The following CEP170B variants were observed in gnomAD, a reference collection of about 807,000 sequenced individuals.
CEP170B encodes centrosomal protein of 170 kDa protein B.
In CEP170B, 55 loss-of-function variants were observed where a neutral mutation model predicts 120.6. The ratio of observed to expected loss-of-function variants is 0.46; its 90% CI spans 0.37 to 0.57. CEP170B has a LOEUF of 0.57. Among genes scored for constraint, CEP170B ranks in the 20% least tolerant of loss-of-function variants. CEP170B has a pLI of 0.00. For missense variants in CEP170B, 2,212 were observed against 2,253.3 expected (o/e 0.98, Z 0.37); for synonymous variants, 1,033 against 954.5 (o/e 1.08, Z -1.52).
upstream of CEP170B, chr14:104,865,173 G>C (rs1463207767): frequency 2.0e-4 from 30 of 146,506 alleles, no homozygotes; most frequent in Admixed American, 1.2e-3. This position sits in a 1 kb window ranked among gnomAD's most constrained non-coding sequence, Gnocchi z 6.7. Flanking sequence ...GGTTTCCGGC[G>C]GGGCGGCGCG....
chr14:104,876,819 G>T (rs1046942799), intron 3 of CEP170B, among the ~76,000 whole-genome samples: 9 of 152,366 alleles, frequency 5.9e-5, no homozygotes, highest in African/African-American at 1.9e-4. Flanking sequence ...GGTATGGGTG[G>T]AGCCATGTGA....
chr14:104,886,695 G>C lies in CEP170B; in HGVS notation c.2456G>C (p.Gly819Ala), dbSNP rs930438384. The part of the protein sequence containing the change: ...SRKPLAAPGD[G>A]EGLGQTAQPS... ...AAACCGCTTGCGGCTCCAGGGGATG[G>C]GGAGGGCCTAGGGCAGACAGCCCAG... Residue 819 changes from glycine (G) to alanine (A), a missense_variant, in exon 12 of 19, where the codon GGG (glycine) becomes GCG (alanine). By Grantham distance (60) the Gly-to-Ala change is moderately conservative. Transcript: ENST00000414716. 7 of 1,562,740 alleles carry C rather than the reference G, an allele frequency of 4.5e-6. No homozygotes were observed. In the Admixed American group the frequency reaches 9.6e-5, roughly 22 times the overall value.
chr14:104,884,094 A>C lies in CEP170B; in HGVS notation c.1315A>C (p.Thr439Pro). 1 of 1,587,884 alleles carries C rather than the reference A, an allele frequency of 6.3e-7. No homozygotes were observed. Among genetic ancestry groups the C allele is most frequent in the Non-Finnish European group, 8.6e-7 (1 of 1,167,600 alleles). Residue 439 changes from threonine to proline, a missense_variant, in exon 9 of 19, where the codon ACG becomes CCG. Coordinates refer to ENST00000414716, the MANE Select transcript of CEP170B (RefSeq NM_001112726.3). ...CAAGGCCGACAAGCGCCGTGGCCCAACGCCGGCCGATAGGGACCGCCCCAG... is the reference window on the plus strand; with the variant it reads ...CAAGGCCGACAAGCGCCGTGGCCCACCGCCGGCCGATAGGGACCGCCCCAG... ...DPKADKRRGP[T>P]PADRDRPSVP...
chr14:104,894,932 C>T lies in CEP170B; in HGVS notation c.4639C>T (p.Pro1547Ser). The T allele has an allele frequency of 1.3e-6, 2 of 1,591,768 alleles. No homozygotes were observed. Among genetic ancestry groups the T allele is most frequent in the East Asian group, 4.6e-5 (2 of 43,948 alleles). ...CAGCCTCCCGGACCCCACCTTCCTC[C>T]CTGATGCCGAGAGGTTCCTGATCTA... ...PPSLPDPTFLPDAERFLI is the reference protein window; with the variant it reads ...PPSLPDPTFLSDAERFLI The change falls in exon 19 of 19, where the codon CCT becomes TCT. Residue 1547 changes from proline to serine, a missense_variant. By Grantham distance (74) the Pro-to-Ser change is moderately conservative (BLOSUM62 -1). Transcript: ENST00000414716.
At chr14:104,889,838 G>A in intron 13 of CEP170B, 80 bp downstream of exon 13, 2 of 1,469,640 alleles carry the variant, frequency 1.4e-6, no homozygotes, top group South Asian at 1.3e-5. Flanking sequence ...CAGGGACCAG[G>A]CTGGGAGCTC....
At position 104,887,923 on chromosome 14, in the gene CEP170B, G is replaced by A; in HGVS notation, c.3684G>A (p.Thr1228=). ...AGGCTGCCAACACAGCCACCACCAC[G>A]GGTCCCCGCCAGCCCTTCAGCAGGG... ...SRKAANTATT[T]GPRQPFSRAR... The change falls in exon 12 of 19, where the codon ACG becomes ACA. Residue 1228 remains threonine (T), a synonymous_variant. Transcript: ENST00000414716. 5 of 1,548,040 alleles carry A rather than the reference G, an allele frequency of 3.2e-6. No homozygotes were observed. The highest frequency in any genetic ancestry group is 4.3e-6 in the Non-Finnish European group (5 of 1,151,940).
chr14:104,880,168 G>A (rs1316177308), intron 5 of CEP170B, 119 bp from the exon 6 acceptor site: 24 of 1,367,388 alleles, frequency 1.8e-5, no homozygotes, highest in Admixed American at 2.1e-5. Context: ...ATTAGGGAGA[G>A]CTTGTGACAT....
chr14:104,871,915 A>C (rs532477801), intron 2 of CEP170B, among the ~76,000 whole-genome samples: 17 of 152,314 alleles, frequency 1.1e-4, no homozygotes, highest in Non-Finnish European at 1.9e-4. Context: ...CAGAGCTGCC[A>C]CCCACGTGCT....
intron 12 of CEP170B, among the ~76,000 whole-genome samples, chr14:104,888,807 G>A (rs899837971): frequency 7.9e-5 from 12 of 152,332 alleles, no homozygotes; most frequent in African/African-American, 2.9e-4. Flanking sequence ...GCTGCACTGG[G>A]CAGGCCTTGC....
Position 104,886,765 on chromosome 14 carries a change from G to T in CEP170B, c.2526G>T (p.Gly842=), listed in dbSNP as rs1168475457. The change falls in exon 12 of 19, where the codon GGG becomes GGT. Residue 842 remains glycine, a synonymous_variant. Transcript: ENST00000414716. ...ARDGVYVSAN[G]RMVIQLRPGR... The stretch of plus-strand genomic sequence containing the variant: ...ATGGCGTCTATGTCAGTGCCAATGG[G>T]AGAATGGTCATCCAGCTACGGCCTG... The T allele has an allele frequency of 1.2e-5, 20 of 1,611,694 alleles. No homozygotes were observed. Among genetic ancestry groups the T allele is most frequent in the Non-Finnish European group, 1.7e-5 (20 of 1,179,720 alleles).
intron 8 of CEP170B, 141 bp downstream of exon 8, chr14:104,883,649 C>T (rs918247466): frequency 9.0e-6 from 10 of 1,113,484 alleles, no homozygotes; most frequent in South Asian, 1.6e-5. Context: ...TAAGAGCCAC[C>T]TGCCTGGTCA....
In CEP170B at chr14:104,887,262, C is replaced by T. The variant is rs1896574005; in HGVS notation, c.3023C>T (p.Ser1008Leu). 2.5e-6 allele frequency: 4 copies of T among 1,608,082 alleles called. No homozygotes were observed. In the East Asian group the frequency reaches 8.9e-5, roughly 36 times the overall value. ...TALVSAREQSSERQHHPLGPT... is the reference protein window; with the variant it reads ...TALVSAREQSLERQHHPLGPT... Reference sequence around the variant, plus strand: ...CTGGTCAGTGCCCGTGAGCAGTCCTCAGAGAGGCAGCATCACCCACTTGGC... The same window carrying T: ...CTGGTCAGTGCCCGTGAGCAGTCCTTAGAGAGGCAGCATCACCCACTTGGC... The change falls in exon 12 of 19, where the codon TCA becomes TTA. Residue 1008 changes from serine (S) to leucine (L), a missense_variant. Around this residue, in one of 2 missense-constraint regions of CEP170B, gnomAD observed 2,166 missense variants for 2,166.7 expected, o/e 1.00. Coordinates refer to ENST00000414716, the MANE Select transcript of CEP170B (RefSeq NM_001112726.3).
chr14:104,894,461 C>T (rs1896991559), intron 17 of CEP170B, 76 bp from the exon 18 acceptor site: 2 of 1,605,890 alleles, frequency 1.2e-6, no homozygotes, highest in Non-Finnish European at 1.7e-6. Flanking sequence ...TGTCCCAGCT[C>T]CTGCACACAG....
At chr14:104,893,717 G>C in intron 15 of CEP170B, 44 bp from the exon 16 acceptor site, 1 of 1,587,512 alleles carries the variant, frequency 6.3e-7, no homozygotes, top group African/African-American at 1.3e-5. Flanking sequence ...AGCAGGGGCG[G>C]GGCTCCTCGA....
intron 2 of CEP170B, among the ~76,000 whole-genome samples, chr14:104,869,565 G>A (rs1033444624): frequency 2.0e-5 from 3 of 152,196 alleles, no homozygotes; most frequent in Non-Finnish European, 4.4e-5. Flanking sequence ...CTGCTGTGGC[G>A]GGAAGGTTTG....
rs1288839173 is a variant in CEP170B, at chr14:104,883,227, G to T, written c.770G>T (p.Gly257Val). 5 of 1,611,208 alleles carry T rather than the reference G, an allele frequency of 3.1e-6. No homozygotes were observed. The highest frequency in any genetic ancestry group is 4.2e-6 in the Non-Finnish European group (5 of 1,179,532). ...ACGAAGGATGCAGAGGCAGGTGGGGGCGGAGCGGCCCCTGTGGTGCAGAGC... is the reference window on the plus strand; with the variant it reads ...ACGAAGGATGCAGAGGCAGGTGGGGTCGGAGCGGCCCCTGTGGTGCAGAGC... ...MPTKDAEAGG[G>V]GAAPVVQSHA... The change falls in exon 8 of 19, where the codon GGC becomes GTC. Residue 257 changes from glycine to valine, a missense_variant. Physicochemically the swap from Gly to Val is moderately radical, Grantham distance 109. Around this residue, in one of 2 missense-constraint regions of CEP170B, gnomAD observed 2,166 missense variants for 2,166.7 expected, o/e 1.00. Coordinates refer to ENST00000414716, the MANE Select transcript of CEP170B (RefSeq NM_001112726.3).
chr14:104,884,012 G>A lies in CEP170B; in HGVS notation c.1233G>A (p.Glu411=). The change falls in exon 9 of 19, where the codon GAG becomes GAA. Residue 411 remains glutamate, a synonymous_variant. Coordinates refer to ENST00000414716, the MANE Select transcript of CEP170B (RefSeq NM_001112726.3). ...QQAFVIEFFD[E]DTPRKKRSQS... ...CCTTTGTCATCGAGTTCTTCGACGA[G>A]GACACACCCCGAAAGAAGCGCTCCC... is the stretch of plus-strand genomic sequence containing the variant. 6.2e-7 allele frequency: 1 copy of A among 1,611,102 alleles called. No individual in the cohort carries two copies. The highest frequency in any genetic ancestry group is 1.7e-5 in the Admixed American group (1 of 59,890).
chr14:104,883,282 C>T lies in CEP170B; in HGVS notation c.825C>T (p.Asp275=). The T allele has an allele frequency of 6.2e-7, 1 of 1,612,022 alleles. No individual in the cohort carries two copies. The highest frequency in any genetic ancestry group is 1.1e-5 in the South Asian group (1 of 90,992). ...CCTCCTTCACCATCGAGTTTGATGACTGCAGCCCTGGCAAGATGAAGATCA... is the reference window on the plus strand; with the variant it reads ...CCTCCTTCACCATCGAGTTTGATGATTGCAGCCCTGGCAAGATGAAGATCA... ...SHASFTIEFD[D]CSPGKMKIKD... is the part of the protein sequence containing the mutation. The change falls in exon 8 of 19, where the codon GAC becomes GAT. Residue 275 remains aspartate (D), a synonymous_variant. Transcript: ENST00000414716.
intron 6 of CEP170B, 98 bp downstream of exon 6, chr14:104,880,523 A>G: frequency 6.6e-6 from 10 of 1,508,382 alleles, no homozygotes; most frequent in East Asian, 2.4e-5. Flanking sequence ...CTCTGCATGC[A>G]TATACCATGT....
Sources: allele counts gnomAD v4.1 joint callset (sites outside exome capture counted in the v4.1 genomes callset), GRCh38; gene constraint gnomAD v4.1.1; regional missense constraint gnomAD v4.1.1; non-coding constraint Gnocchi (gnomAD v3.1); transcripts MANE v1.5; gene names NCBI Gene and HGNC (gene_info 2026-07-23, HGNC 2026-07-21).